MOSMO: variants seen among roughly 807,000 people sequenced by gnomAD.
MOSMO encodes modulator of smoothened protein.
MOSMO carries 5 observed loss-of-function variants against 18.4 expected under a neutral mutation model. The observed-to-expected ratio is 0.27, with a 90% confidence interval of 0.14 to 0.57. MOSMO has a LOEUF of 0.57. MOSMO is among the 20% of genes least tolerant of loss of function. The pLI is 0.92. For synonymous variants in MOSMO, 82 were observed against 82.3 expected (o/e 1.00, Z 0.02); for missense variants, 138 against 211.8 (o/e 0.65, Z 2.16).
At chr16:22,019,071 G>T (rs571434016) in intron 1 of MOSMO, among the ~76,000 whole-genome samples, 6 of 152,282 alleles carry the variant, frequency 3.9e-5, no homozygotes, top group South Asian at 4.1e-4. Context: ...ACAGCCTCAT[G>T]AAAATACAGA....
At chr16:22,029,240 C>T (rs1598002549) in intron 1 of MOSMO, among the ~76,000 whole-genome samples, 1 of 152,086 alleles carries the variant, frequency 6.6e-6, no homozygotes, top group Non-Finnish European at 1.5e-5. Context: ...TTTTAAATAC[C>T]TCCAATTTTG....
At chr16:22,080,264 G>C (rs2141786892) in intron 2 of MOSMO, among the ~76,000 whole-genome samples, 1 of 152,288 alleles carries the variant, frequency 6.6e-6, no homozygotes, top group South Asian at 2.1e-4. Context: ...TCAGGGACTA[G>C]ACATTATTTT....
chr16:22,075,517 G>A lies in MOSMO; in HGVS notation c.137G>A (p.Cys46Tyr), dbSNP rs1329878214. ...CTCACTGTGGGCCTCGTGCGACAGT[G>A]TCAAACAATCCATGGACGAGACCGG... ...GALTVGLVRQ[C>Y]QTIHGRDRTC... The change falls in exon 2 of 3, where the codon TGT (cysteine) becomes TAT (tyrosine). Residue 46 changes from cysteine to tyrosine, a missense_variant. Transcript: ENST00000542527. The A allele has an allele frequency of 4.6e-6, 7 of 1,537,326 alleles. No individual in the cohort carries two copies. Among genetic ancestry groups the A allele is most frequent in the Non-Finnish European group, 5.2e-6 (6 of 1,146,918 alleles).
At chr16:22,010,825 G>T (rs1899510058) in intron 1 of MOSMO, among the ~76,000 whole-genome samples, 1 of 152,042 alleles carries the variant, frequency 6.6e-6, no homozygotes. Flanking sequence ...GGAGGCTGAG[G>T]CAAGAGAATT....
At chr16:22,053,630 C>G (rs1298103538) in intron 1 of MOSMO, among the ~76,000 whole-genome samples, 2 of 152,088 alleles carry the variant, frequency 1.3e-5, no homozygotes, top group Non-Finnish European at 2.9e-5. Context: ...TGGTGAAACC[C>G]TTTCTCTACT....
intron 1 of MOSMO, among the ~76,000 whole-genome samples, chr16:22,066,147 T>C (rs1900742870): frequency 3.3e-5 from 5 of 152,080 alleles, no homozygotes. Flanking sequence ...TTTGGTACTT[T>C]TTAAAGCCCC....
At chr16:22,034,755 T>G (rs1900071818) in intron 1 of MOSMO, among the ~76,000 whole-genome samples, 1 of 140,074 alleles carries the variant, frequency 7.1e-6, no homozygotes, top group Non-Finnish European at 1.6e-5. Context: ...TTTTTTTTTT[T>G]TTTTTTTTTT....
At chr16:22,041,232 CTG>C (rs920450452) in intron 1 of MOSMO, among the ~76,000 whole-genome samples, 12 of 152,140 alleles carry the variant, frequency 7.9e-5, no homozygotes, top group Non-Finnish European at 1.6e-4. Context: ...AAGAGAGACA[CTG>C]TGGTGATCTG....
intron 1 of MOSMO, among the ~76,000 whole-genome samples, chr16:22,042,769 G>T (rs1468285392): frequency 6.6e-6 from 1 of 152,160 alleles, no homozygotes; most frequent in African/African-American, 2.4e-5. Flanking sequence ...TCGCAAAAAC[G>T]GGAGTCCGTT....
intron 1 of MOSMO, among the ~76,000 whole-genome samples, chr16:22,026,916 CTG>C (rs1361692225): frequency 6.6e-6 from 1 of 150,644 alleles, no homozygotes; most frequent in African/African-American, 2.4e-5. Flanking sequence ...TAGCAAGTCT[CTG>C]TTTTTTTTAA....
At chr16:22,037,141 G>A (rs189368656) in intron 1 of MOSMO, among the ~76,000 whole-genome samples, 101 of 152,188 alleles carry the variant, frequency 6.6e-4, no homozygotes, top group Non-Finnish European at 1.0e-3. Flanking sequence ...ATGTTGGCTC[G>A]TGCCTATAGT....
intron 1 of MOSMO, among the ~76,000 whole-genome samples, chr16:22,073,318 T>A (rs1359486764): frequency 6.6e-5 from 10 of 152,194 alleles, no homozygotes; most frequent in Admixed American, 2.0e-4. Flanking sequence ...GAGAAGAAAG[T>A]TGCTAATATA....
At chr16:22,069,800 G>A (rs1394391192) in intron 1 of MOSMO, among the ~76,000 whole-genome samples, 2 of 152,186 alleles carry the variant, frequency 1.3e-5, no homozygotes, top group African/African-American at 4.8e-5. Flanking sequence ...GGCACGGGAG[G>A]TTAGACAAAG....
At chr16:22,088,813 C>T (rs972658012), downstream of MOSMO, among the ~76,000 whole-genome samples, 1 of 152,154 alleles carries the variant, frequency 6.6e-6, no homozygotes, top group African/African-American at 2.4e-5. Context: ...GACTTCAGAT[C>T]TAGGACTCCT....
At chr16:22,046,284 C>T (rs1250542574) in intron 1 of MOSMO, among the ~76,000 whole-genome samples, 1 of 152,060 alleles carries the variant, frequency 6.6e-6, no homozygotes, top group Non-Finnish European at 1.5e-5. Context: ...ACAGTCGATT[C>T]TCATGTGGTA....
chr16:22,050,887 G>GGAAAAAAAA (rs1900409743), intron 1 of MOSMO, among the ~76,000 whole-genome samples: 1 of 70,486 alleles, frequency 1.4e-5, no homozygotes, highest in South Asian at 4.4e-4. Flanking sequence ...TGTCTCTTAA[G>GGAAAAAAAA]AAAAAAAAAA....
intron 1 of MOSMO, among the ~76,000 whole-genome samples, chr16:22,070,312 C>T (rs1211923948): frequency 6.6e-6 from 1 of 152,142 alleles, no homozygotes; most frequent in Non-Finnish European, 1.5e-5. Context: ...TGATTTTCTC[C>T]ATCAGCATTC....
chr16:22,022,245 C>T (rs1193403747), intron 1 of MOSMO, among the ~76,000 whole-genome samples: 1 of 151,820 alleles, frequency 6.6e-6, no homozygotes, highest in East Asian at 1.9e-4. Flanking sequence ...GTTTCAAACT[C>T]CTCCTGAACT....
chr16:22,077,025 G>A (rs1900983492), intron 2 of MOSMO, among the ~76,000 whole-genome samples: 1 of 152,146 alleles, frequency 6.6e-6, no homozygotes, highest in African/African-American at 2.4e-5. Context: ...AAACAGTGCG[G>A]CTAAAGTTAA....
Sources: gnomAD v4.1 joint callset for allele counts (sites outside exome capture counted in the v4.1 genomes callset) on GRCh38, gnomAD v4.1.1 for gene constraint, MANE v1.5 for transcripts, NCBI Gene and HGNC (gene_info 2026-07-23, HGNC 2026-07-21) for gene names.